Variants in USP43 observed in about 807,000 individuals in gnomAD.
USP43 encodes ubiquitin carboxyl-terminal hydrolase 43.
In USP43, 33 loss-of-function variants were observed where a neutral mutation model predicts 90.7. The observed-to-expected ratio is 0.36, with a 90% CI of 0.28 to 0.49. The LOEUF is 0.49. Among genes scored for constraint, USP43 ranks in the 20% least tolerant of loss-of-function variants. USP43 has a pLI of 0.98. For missense variants in USP43, 1,274 were observed against 1,476.4 expected, an observed-to-expected ratio of 0.86 and a Z score of 2.25; for synonymous variants, 598 against 615.8, an observed-to-expected ratio of 0.97 and a Z score of 0.43.
intron 7 of USP43, among the ~76,000 whole-genome samples, chr17:9,684,325 G>T (rs910996908): frequency 6.6e-6 from 1 of 152,040 alleles, no homozygotes; most frequent in Admixed American, 6.6e-5. Context: ...AATGAGGAAA[G>T]ATATTTATGC....
At chr17:9,671,598 C>A (rs1307585445) in intron 3 of USP43, among the ~76,000 whole-genome samples, 2 of 152,060 alleles carry the variant, frequency 1.3e-5, no homozygotes, top group Non-Finnish European at 2.9e-5. Context: ...AAACCGCAGC[C>A]CTGAGTTTTA....
intron 8 of USP43, among the ~76,000 whole-genome samples, chr17:9,687,681 T>C (rs556400993): frequency 6.6e-6 from 1 of 152,368 alleles, no homozygotes; most frequent in African/African-American, 2.4e-5. Flanking sequence ...AAGCTTTTTA[T>C]TTGGGGCACA....
At chr17:9,694,722 C>T (rs374905103) in intron 9 of USP43, among the ~76,000 whole-genome samples, 7 of 152,048 alleles carry the variant, frequency 4.6e-5, no homozygotes, top group South Asian at 4.1e-4. Context: ...TTTCTGGGTT[C>T]GAGCGATTTT....
Position 9,710,092 on chromosome 17 carries a change from G to A in USP43, c.2148G>A (p.Trp716Ter). Residue 716 changes from tryptophan to a stop codon, truncating the protein, a stop_gained, in exon 13 of 15, where the codon TGG (tryptophan) becomes TGA (stop). Coordinates refer to ENST00000285199, the MANE Select transcript of USP43 (RefSeq NM_153210.5). LOFTEE classifies it high-confidence loss of function. The stretch of plus-strand genomic sequence containing the variant: ...AGAAGCGGAACAGCATCCCTCCCTG[G>A]TCAGCCAGCAGCTCCATGAGAGGTA... ...FYQKRNSIPPWSASSSMRGST... is the reference protein window; with the variant it reads ...FYQKRNSIPP 1 of 1,527,362 alleles carries A rather than the reference G, an allele frequency of 6.5e-7. No homozygotes were observed. Among genetic ancestry groups the A allele is most frequent in the Non-Finnish European group, 8.8e-7 (1 of 1,137,346 alleles). 94.6% of individuals were successfully genotyped at this position (1,527,362 alleles called of 1,614,324 possible).
rs1489086612 is a variant in USP43 at position 9,702,678 on chromosome 17, C to T, written c.2011+978C>T. ...CTCGATTATGTCATTGTTTGCTTCT[C>T]CCCCACCAGGGCCTCTCAGTGACGG... On this transcript the variant is annotated intron_variant, in intron 12 of 14. Transcript: ENST00000285199. Among the ~76,000 whole-genome samples the T allele has an allele frequency of 2.0e-5, 3 of 152,308 alleles. No homozygotes were observed. In the East Asian group the frequency reaches 5.8e-4, roughly 29 times the overall value.
At chr17:9,645,492 G>A, upstream of USP43, 2 of 834,596 alleles carry the variant, frequency 2.4e-6, no homozygotes, top group East Asian at 5.2e-5. This position sits in a 1 kb window ranked among gnomAD's most constrained non-coding sequence, Gnocchi z 6.8. Flanking sequence ...CCCCGCCCTT[G>A]GCTCCGCCTC....
intron 5 of USP43, among the ~76,000 whole-genome samples, chr17:9,679,305 G>A (rs933260155): frequency 2.6e-5 from 4 of 151,494 alleles, no homozygotes; most frequent in Non-Finnish European, 4.4e-5. Context: ...GGGCTCAAGG[G>A]ATCCTCCCAC....
chr17:9,683,466 G>A (rs553087645), intron 7 of USP43, among the ~76,000 whole-genome samples: 7 of 152,130 alleles, frequency 4.6e-5, no homozygotes, highest in Non-Finnish European at 8.8e-5. Context: ...TTCTAAAAAT[G>A]TATCTTGAAT....
Position 9,678,319 on chromosome 17 carries a change from T to C in USP43, c.969+1438T>C, listed in dbSNP as rs74840392. On this transcript the variant is annotated intron_variant, in intron 5 of 14. Coordinates refer to ENST00000285199, the MANE Select transcript of USP43 (RefSeq NM_153210.5). ...TGGCAAGTGTATTATATTTATGTTA[T>C]ATAAAATCATAGATATATGTACTTG... is the stretch of plus-strand genomic sequence containing the variant. Among the ~76,000 whole-genome samples, 1,380 of 152,324 alleles carry C rather than the reference T, an allele frequency of 9.1e-3. 5 individuals are homozygous for C. Among genetic ancestry groups the C allele is most frequent in the Middle Eastern group, 0.024 (7 of 294 alleles).
rs1303101725 is a variant in USP43, at chr17:9,681,205, A to ATT, written c.1105+839_1105+840insTT. Reference sequence around the variant, plus strand: ...ATATACTATATAATATATACTATATAATATATACATTATATAGAATATATT... The same window carrying ATT: ...ATATACTATATAATATATACTATATATTATATATACATTATATAGAATATATT... On this transcript the variant is annotated intron_variant, in intron 6 of 14. Transcript: ENST00000285199. Among the ~76,000 whole-genome samples, 22 of 61,548 alleles carry ATT rather than the reference A, an allele frequency of 3.6e-4. 2 individuals carry two copies. The highest frequency in any genetic ancestry group is 1.1e-3 in the African/African-American group (11 of 10,250). 40.4% of individuals were successfully genotyped at this position (61,548 alleles called of 152,430 possible). A position where few individuals can be genotyped will look rare whatever the true frequency, so the allele number is the denominator to read the frequency against.
intron 3 of USP43, chr17:9,669,684 A>G (rs1214392945): frequency 6.6e-6 from 1 of 152,290 alleles, no homozygotes; most frequent in African/African-American, 2.4e-5. Flanking sequence ...CCCACATTCC[A>G]TAAGGCGGGC....
chr17:9,677,665 A>C (rs1287212015), intron 5 of USP43, among the ~76,000 whole-genome samples: 3 of 152,162 alleles, frequency 2.0e-5, no homozygotes, highest in Non-Finnish European at 4.4e-5. Context: ...TAGGTTTCTG[A>C]CCCTGGACAC....
rs1161750212 is a variant in USP43 at position 9,666,717 on chromosome 17, A to C, written c.706A>C (p.Ser236Arg). The C allele has an allele frequency of 1.9e-6, 3 of 1,613,188 alleles. No individual in the cohort carries two copies. The change falls in exon 3 of 15, where the codon AGC becomes CGC. Residue 236 changes from serine (S) to arginine (R), a missense_variant. Around this residue, in one of 6 missense-constraint regions of USP43, gnomAD observed 259 missense variants for 373.7 expected, o/e 0.69. Transcript: ENST00000285199. ...SPSAQLPLGQ[S>R]FVQSHFQAQY... is the part of the protein sequence containing the mutation. ...ATCAGCTCAGCTTCCTCTAGGTCAA[A>C]GCTTTGTGCAAAGCCACTTTCAAGC...
intron 12 of USP43, among the ~76,000 whole-genome samples, chr17:9,702,327 G>A (rs557134242): frequency 6.6e-6 from 1 of 152,304 alleles, no homozygotes; most frequent in South Asian, 2.1e-4. Context: ...TCCAGCCTGG[G>A]CAACAGAGCG....
intron 12 of USP43, among the ~76,000 whole-genome samples, chr17:9,707,421 C>T (rs1292682831): frequency 4.6e-5 from 7 of 151,974 alleles, no homozygotes; most frequent in East Asian, 1.9e-4. Context: ...CCGAGGTGGG[C>T]GGACCACGAG....
At chr17:9,649,455 G>A (rs1245320540) in intron 1 of USP43, among the ~76,000 whole-genome samples, 1 of 151,858 alleles carries the variant, frequency 6.6e-6, no homozygotes, top group African/African-American at 2.4e-5. Context: ...TGAGGTTTGA[G>A]CTTCTCTTGG....
In USP43 at chr17:9,674,712, A is replaced by C. The variant is rs1207211742; in HGVS notation, c.741-179A>C. On this transcript the variant is annotated intron_variant, in intron 3 of 14. Coordinates refer to ENST00000285199, the MANE Select transcript of USP43 (RefSeq NM_153210.5). The surrounding 1 kb of genome is among the most constrained non-coding windows in gnomAD (Gnocchi z 4.4). Reference sequence around the variant, plus strand: ...GTTGTTCCCACCTTAACTATTGTGAATAGAGCAGCTATGAACACTTGTGTA... The same window carrying C: ...GTTGTTCCCACCTTAACTATTGTGACTAGAGCAGCTATGAACACTTGTGTA... 6.6e-6 allele frequency among the ~76,000 whole-genome samples: 1 copy of C among 152,196 alleles called. No individual in the cohort carries two copies. Among genetic ancestry groups the C allele is most frequent in the East Asian group, 1.9e-4 (1 of 5,196 alleles).
intron 14 of USP43, among the ~76,000 whole-genome samples, chr17:9,712,981 C>T (rs911716577): frequency 3.9e-5 from 6 of 152,054 alleles, no homozygotes; most frequent in Non-Finnish European, 8.8e-5. Flanking sequence ...TTCTTTGTGA[C>T]GGGAACATTT....
chr17:9,686,343 G>A lies in USP43; in HGVS notation c.1242-455G>A, dbSNP rs1230911187. Reference sequence around the variant, plus strand: ...TGGATAAATACCCAGTAGTGGGATGGCTGGGTCACATGGTGGTTCTATTTT... The same window carrying A: ...TGGATAAATACCCAGTAGTGGGATGACTGGGTCACATGGTGGTTCTATTTT... On this transcript the variant is annotated intron_variant, in intron 7 of 14. Coordinates refer to ENST00000285199, the MANE Select transcript of USP43 (RefSeq NM_153210.5). This position sits in a 1 kb window ranked among gnomAD's most constrained non-coding sequence, Gnocchi z 5.5. Among the ~76,000 whole-genome samples, 7 of 152,140 alleles carry A rather than the reference G, an allele frequency of 4.6e-5. No homozygotes were observed. In the South Asian group the frequency reaches 8.3e-4, roughly 18 times the overall value.
Sources: allele counts gnomAD v4.1 joint callset (sites outside exome capture counted in the v4.1 genomes callset), GRCh38; gene constraint gnomAD v4.1.1; regional missense constraint gnomAD v4.1.1; non-coding constraint Gnocchi (gnomAD v3.1); transcripts MANE v1.5; gene names NCBI Gene and HGNC (gene_info 2026-07-23, HGNC 2026-07-21).